TAOK1: variants seen among roughly 807,000 people sequenced by gnomAD.
TAOK1 encodes the protein TAO kinase 1.
TAOK1 carries 21 observed loss-of-function variants against 138.3 expected under a neutral mutation model. The observed-to-expected ratio is 0.15, with a 90% CI of 0.11 to 0.22. TAOK1 has a LOEUF of 0.22. Among genes scored for constraint, TAOK1 ranks in the 10% least tolerant of loss-of-function variants. The pLI, the probability that TAOK1 is intolerant of heterozygous loss-of-function variation, is 1.00. For missense variants in TAOK1, 651 were observed against 1,227.7 expected, an observed-to-expected ratio of 0.53 and a Z score of 7.02; for synonymous variants, 361 against 398.4, an observed-to-expected ratio of 0.91 and a Z score of 1.12.
At chr17:29,397,647 T>TATGTATATTCATGTATGATACATGTATAC (rs1904669875) in intron 1 of TAOK1, among the ~76,000 whole-genome samples, 5 of 61,566 alleles carry the variant, frequency 8.1e-5, no homozygotes, top group Non-Finnish European at 1.5e-4. Context: ...TACATGTATA[T>TATGTATATTCATGTATGATACATGTATAC]ATGTATATTC....
intron 3 of TAOK1, among the ~76,000 whole-genome samples, chr17:29,472,577 T>C (rs944147814): frequency 2.3e-4 from 34 of 144,830 alleles, no homozygotes; most frequent in Middle Eastern, 7.9e-3. Flanking sequence ...TTCTTTCTTT[T>C]TTTTTTTTTT....
chr17:29,531,456 AC>A (rs1351161650), intron 18 of TAOK1, among the ~76,000 whole-genome samples: 1 of 120,448 alleles, frequency 8.3e-6, no homozygotes, highest in Admixed American at 9.6e-5. Context: ...AGCTTTGTAA[AC>A]TTTTTTTTAA....
At chr17:29,399,519 G>A (rs1347501592) in intron 1 of TAOK1, among the ~76,000 whole-genome samples, 1 of 152,076 alleles carries the variant, frequency 6.6e-6, no homozygotes, top group Non-Finnish European at 1.5e-5. Flanking sequence ...GTTTCACCGT[G>A]TTAGCCAGGA....
chr17:29,437,110 C>T (rs1017835544), intron 1 of TAOK1, among the ~76,000 whole-genome samples: 2 of 152,200 alleles, frequency 1.3e-5, no homozygotes, highest in Admixed American at 6.5e-5. Context: ...GTTGCCCGGG[C>T]TGGAGTGCAG....
At chr17:29,530,682 A>T in intron 18 of TAOK1, 63 bp downstream of exon 18, 10 of 1,304,520 alleles carry the variant, frequency 7.7e-6, no homozygotes, top group Non-Finnish European at 1.0e-5. Flanking sequence ...CACCTGAACG[A>T]AATCACAGCA....
chr17:29,412,125 C>G (rs961926279), intron 1 of TAOK1, among the ~76,000 whole-genome samples: 1 of 152,084 alleles, frequency 6.6e-6, no homozygotes, highest in East Asian at 1.9e-4. Flanking sequence ...TCACTGCAAC[C>G]TCCATCTCCC....
intron 1 of TAOK1, among the ~76,000 whole-genome samples, chr17:29,394,364 A>G (rs561773162): frequency 2.0e-5 from 3 of 151,700 alleles, no homozygotes; most frequent in South Asian, 4.2e-4. Context: ...ACGGGGTTTC[A>G]CTGTGTTAGC....
intron 13 of TAOK1, among the ~76,000 whole-genome samples, chr17:29,504,656 C>T (rs760393982): frequency 3.3e-5 from 5 of 151,482 alleles, no homozygotes; most frequent in South Asian, 2.1e-4. Flanking sequence ...GGCGTCAGAG[C>T]GAGACTCTGT....
chr17:29,467,249 T>G, intron 3 of TAOK1, 33 bp downstream of exon 3: 1 of 1,372,262 alleles, frequency 7.3e-7, no homozygotes, highest in Non-Finnish European at 1.0e-6. Context: ...TGTTTTTTTC[T>G]TATATTTATC....
chr17:29,537,969 C>T (rs866991720), intron 19 of TAOK1, among the ~76,000 whole-genome samples: 3 of 151,718 alleles, frequency 2.0e-5, no homozygotes, highest in African/African-American at 4.8e-5. Flanking sequence ...AAAATTAGCT[C>T]GGCATGGTGG....
intron 1 of TAOK1, among the ~76,000 whole-genome samples, chr17:29,393,227 T>C (rs1904484432): frequency 6.6e-6 from 1 of 152,132 alleles, no homozygotes; most frequent in Non-Finnish European, 1.5e-5. Context: ...GATCGAAGCA[T>C]ACTGCTCAGT....
intron 1 of TAOK1, among the ~76,000 whole-genome samples, chr17:29,434,529 C>T (rs936008244): frequency 2.4e-4 from 36 of 151,492 alleles, no homozygotes; most frequent in African/African-American, 7.8e-4. Flanking sequence ...CTTGCATCCC[C>T]GAGTTCTGGC....
At chr17:29,480,552 G>A (rs2031039098) in intron 7 of TAOK1, 71 bp downstream of exon 7, 2 of 1,331,026 alleles carry the variant, frequency 1.5e-6, no homozygotes, top group Non-Finnish European at 2.1e-6. Context: ...TACAAATGAA[G>A]TGTAAGGTAA....
At chr17:29,476,736 C>A (rs2030950222) in intron 4 of TAOK1, among the ~76,000 whole-genome samples, 1 of 152,114 alleles carries the variant, frequency 6.6e-6, no homozygotes, top group Non-Finnish European at 1.5e-5. Context: ...TTTTTTCAAT[C>A]ATCTGTAGAT....
rs150108294 is a variant in TAOK1 at position 29,413,531 on chromosome 17, G to A, written c.-95+22507G>A. On this transcript the variant is annotated intron_variant, in intron 1 of 19. Coordinates refer to ENST00000261716, the MANE Select transcript of TAOK1 (RefSeq NM_020791.4). Reference sequence around the variant, plus strand: ...GGATCACTTGAGTCCAGGAGGCGGAGGTTGTAGTGAGTGGAGATCACGCCA... The same window carrying A: ...GGATCACTTGAGTCCAGGAGGCGGAAGTTGTAGTGAGTGGAGATCACGCCA... 6.6e-5 allele frequency among the ~76,000 whole-genome samples: 10 copies of A among 152,264 alleles called. No individual in the cohort carries two copies. The East Asian group carries it at 1.7e-3, about 26-fold the overall frequency.
chr17:29,475,740 A>G lies in TAOK1; in HGVS notation c.275A>G (p.Lys92Arg). Residue 92 changes from lysine (K) to arginine (R), a missense_variant, in exon 4 of 20, where the codon AAA becomes AGA. Coordinates refer to ENST00000261716, the MANE Select transcript of TAOK1 (RefSeq NM_020791.4). ...AAACATCCCAACAGTATAGAATACA[A>G]AGGCTGTTATTTACGTGAACACACA... Reference protein sequence around the residue: ...RIKHPNSIEYKGCYLREHTAW... With the variant: ...RIKHPNSIEYRGCYLREHTAW... 1 of 1,613,250 alleles carries G rather than the reference A, an allele frequency of 6.2e-7. No homozygotes were observed. The highest frequency in any genetic ancestry group is 1.1e-5 in the South Asian group (1 of 90,754).
At chr17:29,467,397 C>T (rs2030696422) in intron 3 of TAOK1, among the ~76,000 whole-genome samples, 181 bp downstream of exon 3, 1 of 152,070 alleles carries the variant, frequency 6.6e-6, no homozygotes, top group Non-Finnish European at 1.5e-5. Flanking sequence ...CCTCAGCCTC[C>T]CGAGTAGCTG....
chr17:29,511,788 C>G (rs1308412591), intron 15 of TAOK1: 1 of 152,288 alleles, frequency 6.6e-6, no homozygotes, highest in Non-Finnish European at 1.5e-5. Context: ...CTCAAGCAGT[C>G]CGCCTACCTC....
chr17:29,416,469 G>A (rs1905267565), intron 1 of TAOK1, among the ~76,000 whole-genome samples: 1 of 151,930 alleles, frequency 6.6e-6, no homozygotes, highest in Non-Finnish European at 1.5e-5. Flanking sequence ...AGAAGTCTTA[G>A]AGAAATTAAT....
Sources: allele counts gnomAD v4.1 joint callset (sites outside exome capture counted in the v4.1 genomes callset), GRCh38; gene constraint gnomAD v4.1.1; transcripts MANE v1.5; gene names NCBI Gene and HGNC (gene_info 2026-07-23, HGNC 2026-07-21).